The following SOX5 variants were observed in gnomAD, a reference collection of about 807,000 sequenced individuals.
The protein encoded by SOX5 is SRY-box transcription factor 5, also known as transcription factor SOX-5.
SOX5 carries 9 observed loss-of-function variants against 92.0 expected under a neutral mutation model. That is an observed-to-expected ratio of 0.10 (90% CI 0.06 to 0.17). The LOEUF (loss-of-function observed/expected upper bound fraction) is 0.17, where lower values mean the gene tolerates loss of function less well. Among genes scored for constraint, SOX5 ranks in the 10% least tolerant of loss-of-function variants. The pLI is 1.00. For missense variants in SOX5, 642 were observed against 944.5 expected (o/e 0.68, Z 4.20); for synonymous variants, 344 against 336.3 (o/e 1.02, Z -0.25).
rs148720821 is a variant in SOX5 at position 24,437,983 on chromosome 12, G to A, written c.-250-69344C>T. 4.6e-3 allele frequency among the ~76,000 whole-genome samples: 707 copies of A among 152,248 alleles called. 11 individuals are homozygous for A. The East Asian group carries it at 0.051, about 11-fold the overall frequency. The stretch of plus-strand genomic sequence containing the variant: ...TTCTACTATAAAGACACATGCACAC[G>A]TATGTTTACTGCAGCACTATTCACA... On this transcript the variant is annotated intron_variant, in intron 1 of 4. Transcript: ENST00000446891.
intron 4 of SOX5, among the ~76,000 whole-genome samples, chr12:24,070,716 C>T (rs1941635232): frequency 6.6e-6 from 1 of 152,018 alleles, no homozygotes; most frequent in Non-Finnish European, 1.5e-5. Flanking sequence ...AGAGAACAAA[C>T]ATTTTTAGAC....
chr12:23,661,015 A>C (rs1437930779), intron 7 of SOX5, among the ~76,000 whole-genome samples: 1 of 152,166 alleles, frequency 6.6e-6, no homozygotes, highest in Non-Finnish European at 1.5e-5. Context: ...CACATGTCAA[A>C]ATGTTCTTGG....
intron 2 of SOX5, among the ~76,000 whole-genome samples, chr12:24,284,111 A>G (rs191392813): frequency 2.0e-3 from 307 of 152,348 alleles, no homozygotes; most frequent in Non-Finnish European, 3.4e-3. Flanking sequence ...CAATCCCACA[A>G]AATTAGATTT....
chr12:24,177,523 G>A (rs780445022), intron 4 of SOX5, among the ~76,000 whole-genome samples: 2 of 152,032 alleles, frequency 1.3e-5, no homozygotes, highest in African/African-American at 2.4e-5. Context: ...CTCCATAATC[G>A]TCTCTCTACA....
intron 4 of SOX5, among the ~76,000 whole-genome samples, chr12:24,023,517 TTTTA>T (rs1255059626): frequency 6.6e-6 from 1 of 152,126 alleles, no homozygotes; most frequent in East Asian, 1.9e-4. Context: ...TTGTTGACTC[TTTTA>T]GATAGTTTGT....
At chr12:24,557,940 A>G (rs1007357590) in intron 1 of SOX5, among the ~76,000 whole-genome samples, 2 of 152,188 alleles carry the variant, frequency 1.3e-5, no homozygotes, top group Non-Finnish European at 2.9e-5. Flanking sequence ...TAATTTTGTC[A>G]ATATGCTGCC....
At chr12:24,430,700 T>G (rs1447306441) in intron 1 of SOX5, among the ~76,000 whole-genome samples, 5 of 152,126 alleles carry the variant, frequency 3.3e-5, no homozygotes, top group Non-Finnish European at 5.9e-5. Context: ...AATATTCACT[T>G]GGATTATAGA....
chr12:23,690,428 T>C (rs1225546255), intron 6 of SOX5, among the ~76,000 whole-genome samples: 1 of 152,148 alleles, frequency 6.6e-6, no homozygotes, highest in Non-Finnish European at 1.5e-5. Flanking sequence ...CAGACATTGT[T>C]AGACACACAT....
intron 1 of SOX5, among the ~76,000 whole-genome samples, chr12:24,440,927 G>C (rs1424853154): frequency 6.6e-6 from 1 of 152,106 alleles, no homozygotes. Context: ...TGGATATCCT[G>C]GTGTTTAAGA....
intron 4 of SOX5, among the ~76,000 whole-genome samples, chr12:24,089,543 T>A (rs1944399407): frequency 1.3e-5 from 2 of 152,046 alleles, no homozygotes; most frequent in South Asian, 4.1e-4. Flanking sequence ...AATAGAAAAA[T>A]TAAATGTTTG....
At chr12:24,480,293 A>C (rs1486810915) in intron 1 of SOX5, among the ~76,000 whole-genome samples, 2 of 152,166 alleles carry the variant, frequency 1.3e-5, no homozygotes, top group African/African-American at 4.8e-5. Flanking sequence ...TAAAACCTCA[A>C]ACTATGAAAC....
At chr12:24,303,365 T>G (rs140368901) in intron 2 of SOX5, among the ~76,000 whole-genome samples, 1 of 151,926 alleles carries the variant, frequency 6.6e-6, no homozygotes, top group Non-Finnish European at 1.5e-5. Flanking sequence ...ATCATGTTCA[T>G]AGGAATTCAA....
chr12:24,083,478 A>T (rs1283205456), intron 4 of SOX5, among the ~76,000 whole-genome samples: 3 of 152,082 alleles, frequency 2.0e-5, no homozygotes, highest in African/African-American at 4.8e-5. Flanking sequence ...GCAGTTTATA[A>T]TCGGCTGGGA....
At chr12:24,552,521 A>G (rs1030357734) in intron 1 of SOX5, among the ~76,000 whole-genome samples, 3 of 152,352 alleles carry the variant, frequency 2.0e-5, no homozygotes, top group South Asian at 4.1e-4. Flanking sequence ...GGCTGACTGG[A>G]TGATCACCTT....
At chr12:23,630,767 G>T (rs1031850025) in intron 8 of SOX5, among the ~76,000 whole-genome samples, 6 of 152,070 alleles carry the variant, frequency 3.9e-5, no homozygotes, top group African/African-American at 1.4e-4. Flanking sequence ...GAGTCACAGA[G>T]CTTGAAAGTA....
chr12:24,430,455 A>G (rs1938071926), intron 1 of SOX5, among the ~76,000 whole-genome samples: 1 of 151,840 alleles, frequency 6.6e-6, no homozygotes, highest in Non-Finnish European at 1.5e-5. Context: ...GGGTATATAT[A>G]TAATATATAT....
rs571839191 is a variant in SOX5 at position 24,429,888 on chromosome 12, C to T, written c.-250-61249G>A. On this transcript the variant is annotated intron_variant, in intron 1 of 4. Transcript: ENST00000446891. ...ATGTTCATACCCTATATGACCATGG[C>T]GTTTTCACCTATTCCACAGATAAGT... 5.9e-5 allele frequency among the ~76,000 whole-genome samples: 9 copies of T among 152,150 alleles called. No individual in the cohort carries two copies. In the South Asian group the frequency reaches 1.9e-3, roughly 32 times the overall value.
intron 6 of SOX5, among the ~76,000 whole-genome samples, chr12:23,698,864 T>G (rs190310407): frequency 6.6e-6 from 1 of 152,312 alleles, no homozygotes; most frequent in Non-Finnish European, 1.5e-5. Context: ...TTAACTTGGT[T>G]CCACAACTGA....
intron 2 of SOX5, among the ~76,000 whole-genome samples, chr12:23,869,932 C>T (rs1234617574): frequency 6.6e-6 from 1 of 152,076 alleles, no homozygotes; most frequent in Non-Finnish European, 1.5e-5. Context: ...ACTGAGTTTC[C>T]AGGAGATAAA....
Sources: allele counts gnomAD v4.1 joint callset (sites outside exome capture counted in the v4.1 genomes callset), GRCh38; gene constraint gnomAD v4.1.1; transcripts MANE v1.5; gene names NCBI Gene and HGNC (gene_info 2026-07-23, HGNC 2026-07-21).